Variants in NUP93 observed in about 807,000 individuals in gnomAD.
The protein encoded by NUP93 is nucleoporin 93, also known as nuclear pore complex protein Nup93.
Under a neutral mutation model 107.8 loss-of-function variants are expected in NUP93, and 55 were observed. The ratio of observed to expected loss-of-function variants is 0.51; its 90% CI spans 0.41 to 0.64. The LOEUF (loss-of-function observed/expected upper bound fraction) is 0.64, where lower values mean the gene tolerates loss of function less well. Among genes scored for constraint, NUP93 ranks in the 30% least tolerant of loss-of-function variants. NUP93 has a pLI of 0.00. For synonymous variants in NUP93, 390 were observed against 397.5 expected, an observed-to-expected ratio of 0.98 and a Z score of 0.22; for missense variants, 937 against 1,044.7, an observed-to-expected ratio of 0.90 and a Z score of 1.42.
chr16:56,843,804 G>T (rs1432561915), intron 21 of NUP93, among the ~76,000 whole-genome samples: 3 of 152,186 alleles, frequency 2.0e-5, no homozygotes, highest in Non-Finnish European at 4.4e-5. Context: ...TGACTCCTCA[G>T]TGTTTCTTTA....
intron 21 of NUP93, among the ~76,000 whole-genome samples, chr16:56,843,703 A>C (rs1257881355): frequency 1.3e-5 from 2 of 152,226 alleles, no homozygotes; most frequent in Admixed American, 6.5e-5. Context: ...ATCAATAAGG[A>C]CATACACTCG....
chr16:56,747,917 A>G lies in NUP93; in HGVS notation c.-14-317A>G, dbSNP rs550712195. On this transcript the variant is annotated intron_variant, in intron 1 of 21. Transcript: ENST00000308159. Reference sequence around the variant, plus strand: ...GTGCCACAGTGGTTTCCATTTCCTTACCTGCTTTGAGTCTGTGGAAGGAGA... The same window carrying G: ...GTGCCACAGTGGTTTCCATTTCCTTGCCTGCTTTGAGTCTGTGGAAGGAGA... 4 of 178,660 alleles carry G rather than the reference A, an allele frequency of 2.2e-5. 1 individual carries two copies. In the South Asian group the frequency reaches 6.0e-4, roughly 27 times the overall value. 11.1% of individuals were successfully genotyped at this position (178,660 alleles called of 1,614,324 possible). A position where few individuals can be genotyped will look rare whatever the true frequency, so the allele number is the denominator to read the frequency against.
chr16:56,831,649 C>G, intron 10 of NUP93, 193 bp from the exon 11 acceptor site: 1 of 551,744 alleles, frequency 1.8e-6, no homozygotes, highest in Non-Finnish European at 3.2e-6. Context: ...CCAATAGATA[C>G]AGGTGCAGGT....
At chr16:56,759,154 A>G (rs1962080484) in intron 3 of NUP93, among the ~76,000 whole-genome samples, 1 of 152,226 alleles carries the variant, frequency 6.6e-6, no homozygotes, top group African/African-American at 2.4e-5. Flanking sequence ...AGTCTAATAG[A>G]GCACTCCAGT....
intron 1 of NUP93, among the ~76,000 whole-genome samples, chr16:56,742,146 A>G (rs761207510): frequency 3.3e-5 from 5 of 152,366 alleles, no homozygotes; most frequent in South Asian, 2.1e-4. Flanking sequence ...TCAATGGGAC[A>G]GGCATCATCA....
intron 9 of NUP93, among the ~76,000 whole-genome samples, chr16:56,829,666 C>G (rs1963740036): frequency 6.6e-6 from 1 of 152,100 alleles, no homozygotes; most frequent in Admixed American, 6.6e-5. Context: ...AAAGAGTATT[C>G]CAGGAGGAGG....
intron 9 of NUP93, 90 bp from the exon 10 acceptor site, chr16:56,830,438 A>G: frequency 8.0e-7 from 1 of 1,245,306 alleles, no homozygotes. Flanking sequence ...GACATATTAT[A>G]AAGGAGAGGG....
At chr16:56,796,062 A>G (rs1962891217) in intron 3 of NUP93, among the ~76,000 whole-genome samples, 1 of 152,190 alleles carries the variant, frequency 6.6e-6, no homozygotes, top group South Asian at 2.1e-4. Flanking sequence ...ACATAGGCCA[A>G]TACGTAAGGA....
At chr16:56,755,880 ATAAG>A (rs1158953978) in intron 2 of NUP93, among the ~76,000 whole-genome samples, 3 of 152,200 alleles carry the variant, frequency 2.0e-5, no homozygotes, top group Non-Finnish European at 4.4e-5. Flanking sequence ...CTCAAAATAA[ATAAG>A]TAAATAAATA....
intron 1 of NUP93, among the ~76,000 whole-genome samples, chr16:56,738,685 G>A (rs984871989): frequency 8.5e-5 from 13 of 152,180 alleles, no homozygotes; most frequent in African/African-American, 3.1e-4. Flanking sequence ...GGTTGTTGTT[G>A]TAATTGACAG....
intron 12 of NUP93, 23 bp downstream of exon 12, chr16:56,832,411 C>T (rs781710820): frequency 4.4e-6 from 7 of 1,575,528 alleles, no homozygotes; most frequent in Admixed American, 1.7e-5. Context: ...ACATAACCAC[C>T]TTTCCCTTCT....
intron 2 of NUP93, among the ~76,000 whole-genome samples, chr16:56,757,342 T>A (rs1234148396): frequency 6.6e-6 from 1 of 152,210 alleles, no homozygotes; most frequent in Non-Finnish European, 1.5e-5. Context: ...GGGCTGGATG[T>A]GGTGGTTCAC....
At chr16:56,825,714 A>T (rs1963644728) in intron 8 of NUP93, among the ~76,000 whole-genome samples, 1 of 151,878 alleles carries the variant, frequency 6.6e-6, no homozygotes, top group Non-Finnish European at 1.5e-5. Flanking sequence ...TGTTCCATTA[A>T]TTTCTTTAAT....
chr16:56,838,368 C>A (rs141933809), intron 18 of NUP93, among the ~76,000 whole-genome samples: 32 of 152,292 alleles, frequency 2.1e-4, no homozygotes, highest in Non-Finnish European at 3.7e-4. Flanking sequence ...CCATCACGAC[C>A]TCCCACCTTT....
intron 3 of NUP93, chr16:56,783,985 G>C (rs1319930355): frequency 2.9e-6 from 2 of 690,900 alleles, no homozygotes; most frequent in Non-Finnish European, 3.6e-6. Context: ...GTAACGCAGA[G>C]GTTCTGCGTT....
intron 3 of NUP93, among the ~76,000 whole-genome samples, chr16:56,780,007 C>T (rs1962484931): frequency 6.6e-6 from 1 of 152,152 alleles, no homozygotes; most frequent in South Asian, 2.1e-4. Context: ...TTTATTTGAT[C>T]AGAAACAAAA....
rs1241509928 is a variant in NUP93 at position 56,758,901 on chromosome 16, T to C, written c.297+246T>C. 1.2e-4 allele frequency among the ~76,000 whole-genome samples: 18 copies of C among 152,238 alleles called. 1 individual carries two copies. ...ACCTGCACTTTTTAGATTATTATAA[T>C]TAGGAGAACAGATTTCTCTTCCTTC... is the stretch of plus-strand genomic sequence containing the variant. On this transcript the variant is annotated intron_variant, in intron 3 of 21. Transcript: ENST00000308159.
chr16:56,739,502 G>C (rs1961671815), intron 1 of NUP93, among the ~76,000 whole-genome samples: 1 of 109,608 alleles, frequency 9.1e-6, no homozygotes, highest in Non-Finnish European at 1.9e-5. Context: ...TCCCGGACGG[G>C]GCGGCTGGCC....
At chr16:56,810,635 ACT>A (rs1487237189) in intron 5 of NUP93, among the ~76,000 whole-genome samples, 3 of 152,108 alleles carry the variant, frequency 2.0e-5, no homozygotes, top group African/African-American at 7.2e-5. Context: ...ACACAGTGAG[ACT>A]CTGTCTCAAA....
Sources: gnomAD v4.1 joint callset for allele counts (sites outside exome capture counted in the v4.1 genomes callset) on GRCh38, gnomAD v4.1.1 for gene constraint, MANE v1.5 for transcripts, NCBI Gene and HGNC (gene_info 2026-07-23, HGNC 2026-07-21) for gene names.